FHIT: variants seen among roughly 807,000 people sequenced by gnomAD.
FHIT encodes the protein fragile histidine triad diadenosine triphosphatase.
In FHIT, 19 loss-of-function variants were observed where a neutral mutation model predicts 17.9. The observed-to-expected ratio is 1.06, with a 90% confidence interval of 0.74 to 1.56. The LOEUF is 1.56. Among genes scored for constraint, FHIT ranks in the 40% most tolerant of loss-of-function variants. The pLI is 0.00. For synonymous variants in FHIT, 81 were observed against 69.7 expected, an observed-to-expected ratio of 1.16 and a Z score of -0.81; for missense variants, 248 against 189.2, an observed-to-expected ratio of 1.31 and a Z score of -1.82.
intron 7 of FHIT, among the ~76,000 whole-genome samples, chr3:60,003,986 G>C (rs1699827026): frequency 6.6e-6 from 1 of 151,816 alleles, no homozygotes; most frequent in South Asian, 2.1e-4. Flanking sequence ...TGATTTCCTA[G>C]GCTTGAAACA....
chr3:61,227,810 A>G (rs565746179), intron 1 of FHIT, among the ~76,000 whole-genome samples: 15 of 152,308 alleles, frequency 9.8e-5, no homozygotes, highest in Admixed American at 2.6e-4. Context: ...CCTTTCTACT[A>G]AAGCCCGAGT....
Position 60,043,016 on chromosome 3 carries a change from G to A in FHIT, c.104-28864C>T, listed in dbSNP as rs149965631. ...AGGGAAAAAAACATGGAGCCTCTAT[G>A]CTCATGAATTTACCCTCTCCTTTTA... is the stretch of plus-strand genomic sequence containing the variant. On this transcript the variant is annotated intron_variant, in intron 5 of 9. Transcript: ENST00000492590. Among the ~76,000 whole-genome samples the A allele has an allele frequency of 3.5e-4, 53 of 152,292 alleles. No homozygotes were observed. In the East Asian group the frequency reaches 0.01, roughly 29 times the overall value.
At chr3:60,702,506 T>G (rs2041272307) in intron 4 of FHIT, among the ~76,000 whole-genome samples, 1 of 152,004 alleles carries the variant, frequency 6.6e-6, no homozygotes, top group African/African-American at 2.4e-5. Flanking sequence ...GGATTTTATA[T>G]TTTTTGTTTC....
intron 4 of FHIT, among the ~76,000 whole-genome samples, chr3:60,589,412 T>C (rs2038009935): frequency 6.6e-6 from 1 of 152,056 alleles, no homozygotes; most frequent in Non-Finnish European, 1.5e-5. Flanking sequence ...TCCTTCACTT[T>C]TCCCAGAATA....
intron 1 of FHIT, among the ~76,000 whole-genome samples, chr3:61,210,664 A>G (rs1176982890): frequency 6.6e-6 from 1 of 152,102 alleles, no homozygotes; most frequent in Non-Finnish European, 1.5e-5. Flanking sequence ...AAAGTGCAGT[A>G]TTACGGTGGG....
intron 4 of FHIT, among the ~76,000 whole-genome samples, chr3:60,802,477 A>T (rs1352556134): frequency 6.6e-6 from 1 of 152,230 alleles, no homozygotes; most frequent in African/African-American, 2.4e-5. Flanking sequence ...AAGACCCAAA[A>T]TATTAAATGG....
intron 5 of FHIT, among the ~76,000 whole-genome samples, chr3:60,461,235 T>A (rs1263678306): frequency 1.3e-5 from 2 of 152,188 alleles, no homozygotes; most frequent in East Asian, 3.9e-4. Flanking sequence ...TTGATTTTCC[T>A]TTTGATTAGA....
intron 8 of FHIT, among the ~76,000 whole-genome samples, chr3:59,909,034 A>G (rs1466870903): frequency 6.6e-6 from 1 of 151,284 alleles, no homozygotes; most frequent in Non-Finnish European, 1.5e-5. Flanking sequence ...ATTTATTTAT[A>G]TTCCTTTTTA....
chr3:61,029,401 C>T (rs755957579), intron 3 of FHIT, among the ~76,000 whole-genome samples: 2 of 152,144 alleles, frequency 1.3e-5, no homozygotes, highest in South Asian at 2.1e-4. Context: ...TGTAGATGAA[C>T]AATGTGATTA....
intron 4 of FHIT, chr3:60,732,011 A>G (rs1352406099): frequency 2.5e-6 from 1 of 400,306 alleles, no homozygotes; most frequent in Admixed American, 3.1e-5. Context: ...GGAACAAGGA[A>G]AACATGGAAC....
chr3:59,825,539 G>A (rs1047050532), intron 8 of FHIT, among the ~76,000 whole-genome samples: 1 of 152,180 alleles, frequency 6.6e-6, no homozygotes, highest in Non-Finnish European at 1.5e-5. Flanking sequence ...ATCTGTCCAT[G>A]AAGATTTCTC....
chr3:60,977,100 C>A (rs1446572219), intron 3 of FHIT, among the ~76,000 whole-genome samples: 1 of 152,178 alleles, frequency 6.6e-6, no homozygotes, highest in Non-Finnish European at 1.5e-5. Flanking sequence ...GTTGAGACCA[C>A]AGGGTAGACC....
chr3:60,028,514 G>T (rs999738215), intron 5 of FHIT, among the ~76,000 whole-genome samples: 1 of 152,156 alleles, frequency 6.6e-6, no homozygotes. Flanking sequence ...AGCCAGCAAA[G>T]TATGTAGTTT....
At position 60,392,855 on chromosome 3, in the gene FHIT, C is replaced by T. The variant is rs1701285866; in HGVS notation, c.103+144005G>A. The stretch of plus-strand genomic sequence containing the variant: ...GTCATGGAAACAGTTTTTTGGTATG[C>T]TCAAGACATTTTGCTTGTTGACTTT... On this transcript the variant is annotated intron_variant, in intron 5 of 9. Coordinates refer to ENST00000492590, the MANE Select transcript of FHIT (RefSeq NM_002012.4). Among the ~76,000 whole-genome samples, 2 of 152,096 alleles carry T rather than the reference C, an allele frequency of 1.3e-5. 1 individual carries two copies. The highest frequency in any genetic ancestry group is 1.3e-4 in the Admixed American group (2 of 15,240).
intron 5 of FHIT, among the ~76,000 whole-genome samples, chr3:60,389,709 T>C (rs1701148291): frequency 6.6e-6 from 1 of 152,222 alleles, no homozygotes; most frequent in Non-Finnish European, 1.5e-5. Context: ...CTTTACCGTG[T>C]AGCCATATTT....
chr3:60,882,007 C>T (rs1705004472), intron 3 of FHIT, among the ~76,000 whole-genome samples: 1 of 151,786 alleles, frequency 6.6e-6, no homozygotes, highest in South Asian at 2.1e-4. Flanking sequence ...GCTAAACTAA[C>T]CAAGAAAAAT....
At chr3:60,308,211 C>T (rs887829333) in intron 5 of FHIT, among the ~76,000 whole-genome samples, 2 of 152,090 alleles carry the variant, frequency 1.3e-5, no homozygotes, top group African/African-American at 4.8e-5. Flanking sequence ...GTTACTTAAC[C>T]TCACAAAGCC....
chr3:60,256,965 C>G (rs560905767), intron 5 of FHIT, among the ~76,000 whole-genome samples: 1 of 152,298 alleles, frequency 6.6e-6, no homozygotes, highest in African/African-American at 2.4e-5. Context: ...TTACAGGTAA[C>G]TAATAGTAAT....
At chr3:60,099,112 C>G (rs144271279) in intron 5 of FHIT, among the ~76,000 whole-genome samples, 5 of 152,168 alleles carry the variant, frequency 3.3e-5, no homozygotes, top group Admixed American at 6.5e-5. Context: ...AAACCCAACA[C>G]TCCAGCCAAA....
Sources: gnomAD v4.1 joint callset for allele counts (sites outside exome capture counted in the v4.1 genomes callset) on GRCh38, gnomAD v4.1.1 for gene constraint, MANE v1.5 for transcripts, NCBI Gene and HGNC (gene_info 2026-07-23, HGNC 2026-07-21) for gene names.